PRRC2B: variants seen among roughly 807,000 people sequenced by gnomAD.
PRRC2B encodes protein PRRC2B.
In PRRC2B, 68 loss-of-function variants were observed where a neutral mutation model predicts 242.3. That is an observed-to-expected ratio of 0.28 (90% CI 0.23 to 0.34). The LOEUF is 0.34. Ranked by LOEUF, PRRC2B falls within the 10% of genes least tolerant of loss-of-function variation. The probability of loss-of-function intolerance (pLI) is 1.00; values close to 1 mark genes in which losing one functional copy is unlikely to be tolerated. For missense variants in PRRC2B, 2,835 were observed against 2,954.8 expected (o/e 0.96, Z 0.94); for synonymous variants, 1,228 against 1,173.6 (o/e 1.05, Z -0.95).
Position 131,483,395 on chromosome 9 carries a change from G to C in PRRC2B, c.5410G>C (p.Gly1804Arg), listed in dbSNP as rs1268465235. 1 of 1,613,910 alleles carries C rather than the reference G, an allele frequency of 6.2e-7. No homozygotes were observed. The highest frequency in any genetic ancestry group is 2.2e-5 in the East Asian group (1 of 44,876). ...DFSLPPGSAS[G>R]PTGSPVVKLQ... ...CAGCTTGCCACCTGGTTCTGCCTCT[G>C]GTCCTACTGGGAGTCCAGTTGTTAA... The change falls in exon 23 of 32, where the codon GGT becomes CGT. Residue 1804 changes from glycine (G) to arginine (R), a missense_variant. Gly to Arg is a moderately radical substitution (Grantham distance 125, BLOSUM62 -2). Around this residue, in one of 7 missense-constraint regions of PRRC2B, gnomAD observed 574 missense variants for 626.0 expected, o/e 0.92. Coordinates refer to ENST00000683519, the MANE Select transcript of PRRC2B (RefSeq NM_013318.4).
At chr9:131,474,343 G>T in intron 15 of PRRC2B, 111 bp from the exon 16 acceptor site, 1 of 898,722 alleles carries the variant, frequency 1.1e-6, no homozygotes. Flanking sequence ...TTTAAAAAGT[G>T]TTTTAGTTTT....
At chr9:131,453,135 C>T (rs897955858) in intron 9 of PRRC2B, among the ~76,000 whole-genome samples, 2 of 152,156 alleles carry the variant, frequency 1.3e-5, no homozygotes, top group South Asian at 4.1e-4. Flanking sequence ...GTTTCTATGC[C>T]TTTCTGGTGT....
chr9:131,451,648 C>G (rs982077413), intron 9 of PRRC2B, among the ~76,000 whole-genome samples: 4 of 152,076 alleles, frequency 2.6e-5, no homozygotes, highest in Non-Finnish European at 5.9e-5. Flanking sequence ...TCTTTCTGGT[C>G]TGAGGAAGAA....
chr9:131,432,628 C>T lies in PRRC2B; in HGVS notation c.127C>T (p.His43Tyr), dbSNP rs1437033397. The change falls in exon 3 of 32, where the codon CAT (histidine) becomes TAT (tyrosine). Residue 43 changes from histidine (H) to tyrosine (Y), a missense_variant. Coordinates refer to ENST00000683519, the MANE Select transcript of PRRC2B (RefSeq NM_013318.4). ...DAIRSSVIPR[H>Y]GLQSLGKVAA... Reference sequence around the variant, plus strand: ...CCCTCTCCCTGCAGTTATTCCTAGACATGGCTTACAGAGTCTTGGGAAAGT... The same window carrying T: ...CCCTCTCCCTGCAGTTATTCCTAGATATGGCTTACAGAGTCTTGGGAAAGT... 13 of 1,613,878 alleles carry T rather than the reference C, an allele frequency of 8.1e-6. No individual in the cohort carries two copies. The highest frequency in any genetic ancestry group is 1.1e-5 in the Non-Finnish European group (13 of 1,179,820).
Position 131,476,217 on chromosome 9 carries a change from A to G in PRRC2B, c.4088A>G (p.Tyr1363Cys). Residue 1363 changes from tyrosine to cysteine, a missense_variant, in exon 16 of 32, where the codon TAC (tyrosine) becomes TGC (cysteine). By Grantham distance (194) the Tyr-to-Cys change is radical (BLOSUM62 -2). Transcript: ENST00000683519. ...TVGRRSPELS[Y>C]QNSSDHANEE... ...GGCCGCAGGTCCCCTGAGCTCTCCT[A>G]CCAGAACTCCTCCGATCACGCCAAT... 6.2e-7 allele frequency: 1 copy of G among 1,613,450 alleles called. No individual in the cohort carries two copies. Among genetic ancestry groups the G allele is most frequent in the Non-Finnish European group, 8.5e-7 (1 of 1,179,780 alleles).
At chr9:131,429,897 G>A (rs1838077785) in intron 1 of PRRC2B, among the ~76,000 whole-genome samples, 197 bp from the exon 2 acceptor site, 2 of 152,020 alleles carry the variant, frequency 1.3e-5, no homozygotes, top group African/African-American at 4.8e-5. Flanking sequence ...CTACATAAAT[G>A]CCCTGTAAAT....
intron 1 of PRRC2B, among the ~76,000 whole-genome samples, chr9:131,396,436 G>A (rs1368687204): frequency 1.3e-5 from 2 of 148,498 alleles, no homozygotes; most frequent in Non-Finnish European, 3.0e-5. Flanking sequence ...AGCGATTCTC[G>A]TGCCTCAGCC....
At chr9:131,481,311 CAAAA>C (rs11404767) in intron 19 of PRRC2B, among the ~76,000 whole-genome samples, 10 of 79,262 alleles carry the variant, frequency 1.3e-4, no homozygotes, top group East Asian at 3.7e-4. Context: ...ACTCCGTCTC[CAAAA>C]AAAAAAAAAA....
chr9:131,386,774 T>C (rs1836831390), intron 1 of PRRC2B, among the ~76,000 whole-genome samples: 1 of 149,626 alleles, frequency 6.7e-6, no homozygotes, highest in Non-Finnish European at 1.5e-5. Context: ...ACAGGTGTAT[T>C]AGGGTTCTCT....
At chr9:131,420,347 C>T (rs1412458642) in intron 1 of PRRC2B, among the ~76,000 whole-genome samples, 2 of 151,892 alleles carry the variant, frequency 1.3e-5, no homozygotes, top group Non-Finnish European at 2.9e-5. Flanking sequence ...GCCCAGCCTT[C>T]AGCTTTCCAG....
intron 1 of PRRC2B, among the ~76,000 whole-genome samples, chr9:131,396,717 C>G (rs748170845): frequency 1.3e-5 from 2 of 152,048 alleles, no homozygotes; most frequent in Non-Finnish European, 2.9e-5. Flanking sequence ...TAATGTTTTG[C>G]TATGGTGACT....
chr9:131,423,937 C>T (rs981036051), intron 1 of PRRC2B, among the ~76,000 whole-genome samples: 1 of 133,986 alleles, frequency 7.5e-6, no homozygotes, highest in African/African-American at 2.5e-5. Context: ...TTTCTTTCTG[C>T]TACGTTTTTT....
chr9:131,429,978 A>G, intron 1 of PRRC2B, 116 bp from the exon 2 acceptor site: 1 of 604,476 alleles, frequency 1.7e-6, no homozygotes, highest in Non-Finnish European at 2.9e-6. Flanking sequence ...CAGATCTTCA[A>G]GGAGATCCAT....
At chr9:131,403,846 A>G (rs1564274517) in intron 1 of PRRC2B, among the ~76,000 whole-genome samples, 1 of 152,032 alleles carries the variant, frequency 6.6e-6, no homozygotes, top group African/African-American at 2.4e-5. Context: ...GGGATATACT[A>G]TATTGTATTG....
chr9:131,408,727 T>G (rs1397201488), intron 1 of PRRC2B, among the ~76,000 whole-genome samples: 1 of 152,166 alleles, frequency 6.6e-6, no homozygotes, highest in Non-Finnish European at 1.5e-5. Context: ...GTATCTTTTT[T>G]TTTTTTTTGA....
chr9:131,466,959 G>A (rs1400934828), intron 12 of PRRC2B, among the ~76,000 whole-genome samples: 3 of 152,026 alleles, frequency 2.0e-5, no homozygotes, highest in Non-Finnish European at 4.4e-5. Flanking sequence ...CCGCCACCAC[G>A]CCTGGCTGAT....
intron 1 of PRRC2B, among the ~76,000 whole-genome samples, chr9:131,414,573 CTT>C (rs112718348): frequency 5.8e-5 from 8 of 138,152 alleles, no homozygotes; most frequent in Non-Finnish European, 9.5e-5. Flanking sequence ...CCATCTTGGG[CTT>C]TTTTTTTTTT....
chr9:131,441,840 C>T (rs552773238), intron 5 of PRRC2B, among the ~76,000 whole-genome samples: 55 of 152,348 alleles, frequency 3.6e-4, no homozygotes, highest in Admixed American at 5.9e-4. Context: ...ATACCAGCTG[C>T]TGCCCCACCA....
In PRRC2B at chr9:131,470,946, C is replaced by T; in HGVS notation, c.2070C>T (p.Thr690=). The T allele has an allele frequency of 2.5e-6, 4 of 1,612,452 alleles. No individual in the cohort carries two copies. The highest frequency in any genetic ancestry group is 3.4e-6 in the Non-Finnish European group (4 of 1,179,094). ...ACCCACGTATCACGCCCACTCGGAC[C>T]CCGGTGGACTTCTACCCCTCCGCCC... is the stretch of plus-strand genomic sequence containing the variant. ...YMDPRITPTR[T]PVDFYPSALH... is the part of the protein sequence containing the mutation. Residue 690 remains threonine (T), a synonymous_variant, in exon 14 of 32, where the codon ACC becomes ACT. Transcript: ENST00000683519.
Sources: allele counts gnomAD v4.1 joint callset (sites outside exome capture counted in the v4.1 genomes callset), GRCh38; gene constraint gnomAD v4.1.1; regional missense constraint gnomAD v4.1.1; transcripts MANE v1.5; gene names NCBI Gene and HGNC (gene_info 2026-07-23, HGNC 2026-07-21).